CNTN5: variants seen among roughly 807,000 people sequenced by gnomAD.
The protein encoded by CNTN5 is contactin-5.
In CNTN5, 77 loss-of-function variants were observed where a neutral mutation model predicts 129.1. The ratio of observed to expected loss-of-function variants is 0.60; its 90% CI spans 0.50 to 0.72. CNTN5 has a LOEUF of 0.72. Ranked by LOEUF, CNTN5 falls within the 30% of genes least tolerant of loss-of-function variation. The pLI is 0.00. For missense variants in CNTN5, 1,478 were observed against 1,328.8 expected, an observed-to-expected ratio of 1.11 and a Z score of -1.75; for synonymous variants, 509 against 465.6, an observed-to-expected ratio of 1.09 and a Z score of -1.20.
At chr11:99,033,746 T>C (rs1271513300) in intron 1 of CNTN5, among the ~76,000 whole-genome samples, 1 of 152,094 alleles carries the variant, frequency 6.6e-6, no homozygotes, top group East Asian at 1.9e-4. Context: ...TTTTCCTAAT[T>C]GAATACCCTT....
At chr11:99,163,204 A>G (rs1860702469) in intron 1 of CNTN5, among the ~76,000 whole-genome samples, 1 of 152,206 alleles carries the variant, frequency 6.6e-6, no homozygotes, top group Non-Finnish European at 1.5e-5. Flanking sequence ...ATTATTGATT[A>G]GGTCACATTC....
chr11:99,876,407 C>T (rs1948633923), intron 6 of CNTN5, among the ~76,000 whole-genome samples: 1 of 152,158 alleles, frequency 6.6e-6, no homozygotes, highest in Non-Finnish European at 1.5e-5. Flanking sequence ...CATTGGTTAA[C>T]TGTGTTCCCT....
At chr11:99,317,198 C>CA (rs1432909568) in intron 1 of CNTN5, among the ~76,000 whole-genome samples, 1 of 152,048 alleles carries the variant, frequency 6.6e-6, no homozygotes, top group Non-Finnish European at 1.5e-5. Context: ...TGACAAATGG[C>CA]AGTAACAAAG....
chr11:99,833,473 A>T (rs1312256073), intron 4 of CNTN5, among the ~76,000 whole-genome samples: 1 of 152,156 alleles, frequency 6.6e-6, no homozygotes, highest in Non-Finnish European at 1.5e-5. Flanking sequence ...TGAGATGATA[A>T]AACTATATTA....
chr11:99,484,521 A>G (rs886535949), intron 2 of CNTN5, among the ~76,000 whole-genome samples: 1 of 152,202 alleles, frequency 6.6e-6, no homozygotes, highest in African/African-American at 2.4e-5. Flanking sequence ...TAGCAATGCC[A>G]CTACTGGGTA....
chr11:99,753,392 G>C (rs1416895505), intron 3 of CNTN5, among the ~76,000 whole-genome samples: 3 of 151,752 alleles, frequency 2.0e-5, no homozygotes, highest in African/African-American at 7.3e-5. Flanking sequence ...AAAGTGCTGG[G>C]ATTACAGACG....
chr11:99,613,947 A>C (rs1054034213), intron 3 of CNTN5, among the ~76,000 whole-genome samples: 7 of 152,220 alleles, frequency 4.6e-5, no homozygotes, highest in African/African-American at 1.7e-4. Context: ...AATGAGTCAA[A>C]ATGTTTCCTG....
chr11:100,105,169 T>C (rs1945378980), intron 13 of CNTN5, among the ~76,000 whole-genome samples: 1 of 152,210 alleles, frequency 6.6e-6, no homozygotes, highest in Non-Finnish European at 1.5e-5. Context: ...AAAAGCTTCA[T>C]GAACTTGCCC....
In CNTN5 at chr11:99,517,740, G is replaced by T. The variant is rs575117808; in HGVS notation, c.-70-38405G>T. Among the ~76,000 whole-genome samples the T allele has an allele frequency of 2.0e-5, 3 of 152,048 alleles. No individual in the cohort carries two copies. The East Asian group carries it at 5.8e-4, about 29-fold the overall frequency. On this transcript the variant is annotated intron_variant, in intron 2 of 24. Coordinates refer to ENST00000524871, the MANE Select transcript of CNTN5 (RefSeq NM_014361.4). ...TGCTCACCTGCTACCCTTGTTCTCTGTCCCCTCTTACAAGTGAATTGACAG... is the reference window on the plus strand; with the variant it reads ...TGCTCACCTGCTACCCTTGTTCTCTTTCCCCTCTTACAAGTGAATTGACAG...
At chr11:99,097,226 T>A (rs1441733559) in intron 1 of CNTN5, among the ~76,000 whole-genome samples, 1 of 151,868 alleles carries the variant, frequency 6.6e-6, no homozygotes, top group Non-Finnish European at 1.5e-5. Context: ...AGTCCAACAA[T>A]TTTTTTAGTG....
In CNTN5 at chr11:100,316,248, T is replaced by C. The variant is rs553311846; in HGVS notation, c.2730+7780T>C. On this transcript the variant is annotated intron_variant, in intron 21 of 24. Transcript: ENST00000524871. ...TCAGCAAAACAGACAAAGTAAATTGTGATAATGGAATGTTGGATGATTCAT... is the reference window on the plus strand; with the variant it reads ...TCAGCAAAACAGACAAAGTAAATTGCGATAATGGAATGTTGGATGATTCAT... Among the ~76,000 whole-genome samples the C allele has an allele frequency of 7.2e-5, 11 of 152,300 alleles. 1 individual carries two copies. In the East Asian group the frequency reaches 2.1e-3, roughly 29 times the overall value.
intron 3 of CNTN5, among the ~76,000 whole-genome samples, chr11:99,718,070 A>G (rs779721811): frequency 1.3e-5 from 2 of 152,134 alleles, no homozygotes; most frequent in African/African-American, 2.4e-5. Flanking sequence ...AGAATATCAT[A>G]TAACTCTCCT....
chr11:99,729,566 C>A (rs1051346570), intron 3 of CNTN5, among the ~76,000 whole-genome samples: 4 of 152,094 alleles, frequency 2.6e-5, no homozygotes, highest in Admixed American at 6.6e-5. Context: ...AACTAGAGGG[C>A]TGGTTCTAGA....
intron 6 of CNTN5, among the ~76,000 whole-genome samples, chr11:99,856,286 C>T (rs1281265356): frequency 6.6e-6 from 1 of 152,134 alleles, no homozygotes; most frequent in Non-Finnish European, 1.5e-5. Flanking sequence ...TTTTAAAGTT[C>T]AAGTCCTCTT....
chr11:99,115,335 G>C (rs1857991491), intron 1 of CNTN5, among the ~76,000 whole-genome samples: 1 of 151,980 alleles, frequency 6.6e-6, no homozygotes, highest in Non-Finnish European at 1.5e-5. Flanking sequence ...CTTTTAGAAG[G>C]AAAAATTAAA....
At chr11:99,388,753 G>C (rs1025574786) in intron 2 of CNTN5, among the ~76,000 whole-genome samples, 2 of 152,100 alleles carry the variant, frequency 1.3e-5, no homozygotes, top group African/African-American at 4.8e-5. Context: ...GGCTAAATCT[G>C]CAGTTAGAAT....
rs756732606 is a variant in CNTN5 at position 99,982,494 on chromosome 11, AG to A, written c.878-19539del. ...AGAATTATGTCTGTGGAAAGAAAAA[AG>A]AAGCAACACAGAGAAGAAATACTGA... On this transcript the variant is annotated intron_variant, in intron 8 of 24. Transcript: ENST00000524871. 7.9e-5 allele frequency among the ~76,000 whole-genome samples: 12 copies of A among 152,334 alleles called. No individual in the cohort carries two copies. In the South Asian group the frequency reaches 2.5e-3, roughly 32 times the overall value.
At chr11:99,090,949 G>A (rs1489406693) in intron 1 of CNTN5, among the ~76,000 whole-genome samples, 1 of 148,908 alleles carries the variant, frequency 6.7e-6, no homozygotes, top group African/African-American at 2.5e-5. Flanking sequence ...GTGAACCCCG[G>A]AGGCGGAGCT....
chr11:100,298,319 G>A (rs954433762), intron 19 of CNTN5, among the ~76,000 whole-genome samples: 17 of 150,966 alleles, frequency 1.1e-4, no homozygotes, highest in African/African-American at 3.9e-4. Context: ...CCTTTTCTTC[G>A]ATAAAACTTC....
Sources: allele counts gnomAD v4.1 joint callset (sites outside exome capture counted in the v4.1 genomes callset), GRCh38; gene constraint gnomAD v4.1.1; transcripts MANE v1.5; gene names NCBI Gene and HGNC (gene_info 2026-07-23, HGNC 2026-07-21).